Variants in NEURL1 observed in about 807,000 individuals in gnomAD.
NEURL1 encodes the protein E3 ubiquitin-protein ligase NEURL1.
In NEURL1, 26 loss-of-function variants were observed where a neutral mutation model predicts 41.2. That is an observed-to-expected ratio of 0.63 (90% confidence interval 0.46 to 0.87). The LOEUF (loss-of-function observed/expected upper bound fraction) is 0.87. Among genes scored for constraint, NEURL1 ranks in the 40% least tolerant of loss-of-function variants. The probability of loss-of-function intolerance (pLI) is 0.00; values close to 1 mark genes in which losing one functional copy is unlikely to be tolerated. For missense variants in NEURL1, 761 were observed against 871.1 expected, an observed-to-expected ratio of 0.87 and a Z score of 1.59; for synonymous variants, 400 against 402.3, an observed-to-expected ratio of 0.99 and a Z score of 0.07.
chr10:103,567,330 T>A (rs1385120881), intron 1 of NEURL1, among the ~76,000 whole-genome samples: 1 of 152,098 alleles, frequency 6.6e-6, no homozygotes, highest in Non-Finnish European at 1.5e-5. Context: ...GAGTATTTTT[T>A]AATTTGCATT....
chr10:103,519,616 T>C (rs1324387466), intron 1 of NEURL1, among the ~76,000 whole-genome samples: 3 of 152,160 alleles, frequency 2.0e-5, no homozygotes, highest in Non-Finnish European at 4.4e-5. Flanking sequence ...GTTCCCTCCA[T>C]AGAGATTAAG....
intron 1 of NEURL1, among the ~76,000 whole-genome samples, chr10:103,499,346 G>A (rs1158333865): frequency 6.6e-6 from 1 of 152,068 alleles, no homozygotes; most frequent in Non-Finnish European, 1.5e-5. Flanking sequence ...GGCAGGGGAA[G>A]GCTCATCCTT....
chr10:103,553,219 G>C (rs1230532036), intron 1 of NEURL1, among the ~76,000 whole-genome samples: 1 of 152,220 alleles, frequency 6.6e-6, no homozygotes, highest in Non-Finnish European at 1.5e-5. Context: ...TCTTAGGGTT[G>C]TCGTGAGGAT....
Position 103,552,137 on chromosome 10 carries a change from G to A in NEURL1, c.86-18735G>A, listed in dbSNP as rs552592611. On this transcript the variant is annotated intron_variant, in intron 1 of 5. Transcript: ENST00000369780. The stretch of plus-strand genomic sequence containing the variant: ...GCTCACCCTGTGGGGTGCAGGATGC[G>A]GGATGTTGCTGCTGCTGCTCCCTCC... Among the ~76,000 whole-genome samples, 7 of 152,258 alleles carry A rather than the reference G, an allele frequency of 4.6e-5. No homozygotes were observed. The East Asian group carries it at 7.7e-4, about 17-fold the overall frequency.
intron 1 of NEURL1, among the ~76,000 whole-genome samples, chr10:103,548,608 C>T (rs2034971923): frequency 6.6e-6 from 1 of 152,212 alleles, no homozygotes. Flanking sequence ...CAGGTGTGAG[C>T]CACCACGCCT....
intron 1 of NEURL1, among the ~76,000 whole-genome samples, chr10:103,533,747 A>G (rs561564069): frequency 2.8e-4 from 42 of 152,286 alleles, no homozygotes; most frequent in South Asian, 1.2e-3. Flanking sequence ...CGTGTTAGCC[A>G]GGATGGTCTC....
intron 1 of NEURL1, among the ~76,000 whole-genome samples, chr10:103,516,599 T>A (rs74154516): frequency 4.3e-4 from 65 of 152,068 alleles, no homozygotes; most frequent in African/African-American, 1.5e-3. Flanking sequence ...GTGGACAGAA[T>A]GAAACCATGA....
At chr10:103,582,092 C>T (rs561006597) in intron 3 of NEURL1, among the ~76,000 whole-genome samples, 1 of 151,838 alleles carries the variant, frequency 6.6e-6, no homozygotes, top group South Asian at 2.1e-4. Flanking sequence ...ACTGATTGTC[C>T]TGAGGGGGTG....
In NEURL1 at chr10:103,592,139, C is replaced by T. The variant is rs1156538942; in HGVS notation, c.*1767C>T. 5.9e-5 allele frequency: 9 copies of T among 152,282 alleles called. No individual in the cohort carries two copies. Among genetic ancestry groups the T allele is most frequent in the African/African-American group, 2.2e-4 (9 of 41,470 alleles). 9.4% of individuals were successfully genotyped at this position (152,282 alleles called of 1,614,324 possible). A position where few individuals can be genotyped will look rare whatever the true frequency, so the allele number is the denominator to read the frequency against. ...CCTGGCCACTGACCAGCTGTGTGGC[C>T]CTGGCCGAGTCGTAGCCCCCTGGAG... On this transcript the variant is annotated 3_prime_UTR_variant, in exon 6 of 6. Transcript: ENST00000369780. The surrounding 1 kb of genome is among the most constrained non-coding windows in gnomAD (Gnocchi z 4.8).
chr10:103,498,362 G>A (rs937207732), intron 1 of NEURL1, among the ~76,000 whole-genome samples: 6 of 152,162 alleles, frequency 3.9e-5, no homozygotes, highest in Middle Eastern at 3.2e-3. Context: ...GAGTAGCTGG[G>A]ACTACAGGCG....
At chr10:103,537,935 C>T (rs548086777) in intron 1 of NEURL1, among the ~76,000 whole-genome samples, 17 of 152,204 alleles carry the variant, frequency 1.1e-4, no homozygotes, top group African/African-American at 2.6e-4. Flanking sequence ...ATCAAGTAAC[C>T]GCCAGCTGCT....
At chr10:103,575,921 C>T (rs376198262) in intron 3 of NEURL1, among the ~76,000 whole-genome samples, 73 of 152,368 alleles carry the variant, frequency 4.8e-4, no homozygotes, top group African/African-American at 1.7e-3. Context: ...TTGCTCCTCT[C>T]AGAAATGTCA....
At chr10:103,538,166 C>G (rs545167330) in intron 1 of NEURL1, among the ~76,000 whole-genome samples, 12 of 152,170 alleles carry the variant, frequency 7.9e-5, no homozygotes, top group African/African-American at 2.9e-4. Context: ...ATGATCTCAG[C>G]TCACTGCAAC....
intron 1 of NEURL1, chr10:103,550,900 A>G (rs1268981899): frequency 6.6e-6 from 1 of 152,234 alleles, no homozygotes; most frequent in African/African-American, 2.4e-5. Flanking sequence ...GGATTGGCTG[A>G]TACATAAGAT....
intron 1 of NEURL1, among the ~76,000 whole-genome samples, chr10:103,531,219 CA>C (rs200675430): frequency 1.2e-4 from 18 of 146,106 alleles, no homozygotes; most frequent in East Asian, 6.0e-4. Context: ...GACCCTGTCT[CA>C]AAAAAAAAAT....
rs140878631 is a variant in NEURL1, at chr10:103,523,690, A to G, written c.85+29218A>G. Among the ~76,000 whole-genome samples, 28 of 151,936 alleles carry G rather than the reference A, an allele frequency of 1.8e-4. No individual in the cohort carries two copies. In the East Asian group the frequency reaches 4.6e-3, roughly 25 times the overall value. On this transcript the variant is annotated intron_variant, in intron 1 of 5. Coordinates refer to ENST00000369780, the MANE Select transcript of NEURL1 (RefSeq NM_004210.5). ...TTCACTTCCACATATGAATGAGAACATTTGCTATTTATCTTTCTGTACCTG... is the reference window on the plus strand; with the variant it reads ...TTCACTTCCACATATGAATGAGAACGTTTGCTATTTATCTTTCTGTACCTG...
chr10:103,538,071 G>A (rs924978127), intron 1 of NEURL1, among the ~76,000 whole-genome samples: 6 of 151,992 alleles, frequency 3.9e-5, no homozygotes, highest in African/African-American at 1.5e-4. Context: ...TGCATGCTAT[G>A]GTGTATATCA....
rs139492046 is a variant in NEURL1 at position 103,554,413 on chromosome 10, C to T, written c.86-16459C>T. On this transcript the variant is annotated intron_variant, in intron 1 of 5. Coordinates refer to ENST00000369780, the MANE Select transcript of NEURL1 (RefSeq NM_004210.5). ...AAGTGCTTATGAGCCCATGTATATG[C>T]ACATTTGTGTGACATGATGCAGAAG... 5.1e-3 allele frequency among the ~76,000 whole-genome samples: 779 copies of T among 152,204 alleles called. 6 individuals are homozygous for T. Among genetic ancestry groups the T allele is most frequent in the African/African-American group, 0.018 (734 of 41,524 alleles).
intron 1 of NEURL1, among the ~76,000 whole-genome samples, chr10:103,517,755 C>T (rs111772596): frequency 2.0e-5 from 3 of 152,356 alleles, no homozygotes; most frequent in African/African-American, 7.2e-5. Flanking sequence ...TGAACTTGCT[C>T]TAGGCCTGGC....
Sources: allele counts gnomAD v4.1 joint callset (sites outside exome capture counted in the v4.1 genomes callset), GRCh38; gene constraint gnomAD v4.1.1; non-coding constraint Gnocchi (gnomAD v3.1); transcripts MANE v1.5; gene names NCBI Gene and HGNC (gene_info 2026-07-23, HGNC 2026-07-21).